The following TRIP12 variants were observed in gnomAD, a reference collection of about 807,000 sequenced individuals.
TRIP12 encodes thyroid hormone receptor interactor 12, also known as E3 ubiquitin-protein ligase TRIP12.
TRIP12 carries 25 observed loss-of-function variants against 244.2 expected under a neutral mutation model. The observed-to-expected ratio is 0.10, with a 90% CI of 0.07 to 0.14. The LOEUF (loss-of-function observed/expected upper bound fraction) is 0.14, where lower values mean the gene tolerates loss of function less well. Ranked by LOEUF, TRIP12 falls within the 10% of genes least tolerant of loss-of-function variation. The pLI, the probability that TRIP12 is intolerant of heterozygous loss-of-function variation, is 1.00. For missense variants in TRIP12, 1,677 were observed against 2,486.4 expected (o/e 0.67, Z 6.92); for synonymous variants, 905 against 873.1 (o/e 1.04, Z -0.64).
intron 1 of TRIP12, among the ~76,000 whole-genome samples, chr2:229,891,432 A>C (rs1439053214): frequency 1.3e-5 from 2 of 151,916 alleles, no homozygotes; most frequent in African/African-American, 4.8e-5. Flanking sequence ...CAAAAATAAA[A>C]AATAAAATTA....
At chr2:229,839,606 G>C (rs988189933) in intron 5 of TRIP12, among the ~76,000 whole-genome samples, 1 of 151,956 alleles carries the variant, frequency 6.6e-6, no homozygotes, top group Non-Finnish European at 1.5e-5. Flanking sequence ...GTGAACCCGG[G>C]AGGCAGAGTT....
intron 1 of TRIP12, among the ~76,000 whole-genome samples, chr2:229,919,750 T>C (rs551052658): frequency 3.3e-5 from 5 of 152,230 alleles, no homozygotes; most frequent in Admixed American, 2.0e-4. Context: ...TTAATTACAG[T>C]TTTCCAATTC....
chr2:229,848,568 C>T (rs557212708), intron 4 of TRIP12, among the ~76,000 whole-genome samples: 70 of 152,142 alleles, frequency 4.6e-4, no homozygotes, highest in African/African-American at 1.6e-3. Context: ...CAATGTCAAA[C>T]AGTAAGATCA....
intron 18 of TRIP12, among the ~76,000 whole-genome samples, 183 bp from the exon 19 acceptor site, chr2:229,804,410 T>C (rs1398879254): frequency 6.6e-6 from 1 of 152,214 alleles, no homozygotes; most frequent in African/African-American, 2.4e-5. Flanking sequence ...AAAGGCAACA[T>C]TAAGACAGAC....
chr2:229,884,238 T>TTTC, intron 1 of TRIP12, among the ~76,000 whole-genome samples: 1 of 133,814 alleles, frequency 7.5e-6, no homozygotes, highest in East Asian at 2.0e-4. Context: ...TTTCTTTTCT[T>TTTC]TTTTTTTTTT....
intron 5 of TRIP12, among the ~76,000 whole-genome samples, chr2:229,838,954 T>G (rs1331590101): frequency 6.6e-6 from 1 of 152,160 alleles, no homozygotes; most frequent in Non-Finnish European, 1.5e-5. Flanking sequence ...CCAAAAGAAG[T>G]GGAAAGACCT....
chr2:229,829,323 G>C, intron 7 of TRIP12, 35 bp from the exon 8 acceptor site: 1 of 1,562,026 alleles, frequency 6.4e-7, no homozygotes, highest in East Asian at 2.3e-5. Context: ...GAACAACTAA[G>C]ATGACTTCAT....
In TRIP12 at chr2:229,867,338, A is replaced by G. The variant is rs529680896; in HGVS notation, c.99-6807T>C. On this transcript the variant is annotated intron_variant, in intron 2 of 41. Transcript: ENST00000675903. ...CTGCCACCATGCCTGGCTAATTTTT[A>G]TATTTTTAGTAAAGATGGGATTTCA... Among the ~76,000 whole-genome samples the G allele has an allele frequency of 1.4e-4, 21 of 151,540 alleles. No individual in the cohort carries two copies. In the East Asian group the frequency reaches 4.1e-3, roughly 29 times the overall value.
chr2:229,867,495 T>C (rs372777287), intron 2 of TRIP12, among the ~76,000 whole-genome samples: 2 of 152,040 alleles, frequency 1.3e-5, no homozygotes, highest in East Asian at 3.8e-4. Flanking sequence ...TTAGAGATAG[T>C]ATATGAGAAA....
chr2:229,812,363 G>A (rs780401649), intron 13 of TRIP12, among the ~76,000 whole-genome samples: 47 of 152,248 alleles, frequency 3.1e-4, no homozygotes, highest in Non-Finnish European at 5.4e-4. Context: ...TTACAGGTGC[G>A]AGTCACTGTG....
intron 4 of TRIP12, among the ~76,000 whole-genome samples, chr2:229,841,927 G>C (rs962837981): frequency 6.6e-6 from 1 of 152,162 alleles, no homozygotes. Context: ...ACATTTTCTT[G>C]ATCTTTTAGA....
chr2:229,806,401 T>C (rs963537844), intron 17 of TRIP12, among the ~76,000 whole-genome samples: 5 of 152,152 alleles, frequency 3.3e-5, no homozygotes, highest in African/African-American at 4.8e-5. Context: ...ATCGCCAAGG[T>C]TGTGTGTGGT....
intron 2 of TRIP12, among the ~76,000 whole-genome samples, chr2:229,878,141 T>C (rs1477055625): frequency 2.6e-5 from 4 of 152,108 alleles, no homozygotes; most frequent in Non-Finnish European, 4.4e-5. Flanking sequence ...CATAGCTATT[T>C]AATGGCAGAG....
intron 41 of TRIP12, among the ~76,000 whole-genome samples, chr2:229,768,047 T>C (rs7603017): frequency 0.015 from 2,278 of 152,234 alleles, 56 homozygotes; most frequent in African/African-American, 0.051. Context: ...GCCAGTCGCT[T>C]GAGAGTTTCA....
intron 20 of TRIP12, among the ~76,000 whole-genome samples, chr2:229,802,869 A>G (rs185716363): frequency 2.0e-5 from 3 of 152,274 alleles, no homozygotes; most frequent in Admixed American, 2.0e-4. Context: ...CAAAAAGACA[A>G]GATCACATTA....
chr2:229,804,782 T>G (rs2045408185), intron 18 of TRIP12, among the ~76,000 whole-genome samples: 1 of 152,214 alleles, frequency 6.6e-6, no homozygotes. Flanking sequence ...AACGCAGCCA[T>G]GTACATTTGT....
intron 4 of TRIP12, among the ~76,000 whole-genome samples, chr2:229,856,053 A>G (rs1443147646): frequency 6.6e-6 from 1 of 152,090 alleles, no homozygotes; most frequent in African/African-American, 2.4e-5. Context: ...AAAAAAAAAA[A>G]AAAAGTGTAT....
At chr2:229,857,321 T>C (rs2059757194) in intron 4 of TRIP12, among the ~76,000 whole-genome samples, 3 of 152,142 alleles carry the variant, frequency 2.0e-5, no homozygotes, top group Admixed American at 1.3e-4. Context: ...TTGTCCTTTA[T>C]AGGTTTCTGA....
chr2:229,827,039 G>T (rs2051843987), intron 8 of TRIP12, among the ~76,000 whole-genome samples: 1 of 152,042 alleles, frequency 6.6e-6, no homozygotes, highest in South Asian at 2.1e-4. Flanking sequence ...CTAGCACTTT[G>T]GGAGGCTGAG....
Sources: allele counts gnomAD v4.1 joint callset (sites outside exome capture counted in the v4.1 genomes callset), GRCh38; gene constraint gnomAD v4.1.1; transcripts MANE v1.5; gene names NCBI Gene and HGNC (gene_info 2026-07-23, HGNC 2026-07-21).